The following ADGRG2 variants were observed in gnomAD, a reference collection of about 807,000 sequenced individuals.
ADGRG2 encodes G protein-coupled receptor 64.
ADGRG2 carries 26 observed loss-of-function variants against 74.1 expected under a neutral mutation model. The observed-to-expected ratio is 0.35, with a 90% CI of 0.26 to 0.49. The LOEUF (loss-of-function observed/expected upper bound fraction) is 0.49, where lower values mean the gene tolerates loss of function less well. ADGRG2 is among the 20% of genes least tolerant of loss of function. ADGRG2 has a pLI of 0.99. For synonymous variants in ADGRG2, 296 were observed against 295.2 expected (o/e 1.00, Z -0.03); for missense variants, 619 against 763.1 (o/e 0.81, Z 2.22).
At chrX:19,108,104 C>CAAAAAA (rs143987070) in intron 1 of ADGRG2, among the ~76,000 whole-genome samples, 1 of 44,971 alleles carries the variant, frequency 2.2e-5, no homozygotes, top group African/African-American at 6.8e-5. Context: ...GACTCCGTCT[C>CAAAAAA]AAAAAAAAAA....
intron 1 of ADGRG2, among the ~76,000 whole-genome samples, chrX:19,085,084 T>C (rs747732292): frequency 8.0e-5 from 9 of 111,983 alleles, no homozygotes; most frequent in Non-Finnish European, 1.5e-4. Flanking sequence ...TACAAAAATA[T>C]ACACACAAAT....
intron 1 of ADGRG2, among the ~76,000 whole-genome samples, chrX:19,102,429 G>T (rs1218708723): frequency 2.7e-5 from 3 of 110,243 alleles, no homozygotes; most frequent in Non-Finnish European, 5.7e-5. Flanking sequence ...CTTCTAGGTG[G>T]GGGCCATTCC....
chrX:19,084,526 G>A (rs927412869), intron 1 of ADGRG2, among the ~76,000 whole-genome samples: 2 of 111,782 alleles, frequency 1.8e-5, no homozygotes. Flanking sequence ...GAACAATTGC[G>A]AACACATGTC....
At chrX:19,038,699 A>G (rs1442615646) in intron 4 of ADGRG2, among the ~76,000 whole-genome samples, 1 of 111,713 alleles carries the variant, frequency 9.0e-6, no homozygotes. Context: ...CCATCCCTTG[A>G]TGCTACACTG....
chrX:18,999,917 TGGG>T lies in ADGRG2; in HGVS notation c.2271_2273del (p.Pro758del). ...CATAGGATCCAAGCCCATAGTTATC[TGGG>T]GATATAGTCAGGATGATGGTCACAA... On this transcript the variant is annotated inframe_deletion, in exon 25 of 29. Transcript: ENST00000379869. 2.5e-6 allele frequency: 3 copies of T among 1,197,170 alleles called. No homozygotes were observed. The highest frequency in any genetic ancestry group is 3.4e-6 in the Non-Finnish European group (3 of 882,766).
At chrX:19,011,200 T>C (rs1421439118) in intron 16 of ADGRG2, among the ~76,000 whole-genome samples, 1 of 111,582 alleles carries the variant, frequency 9.0e-6, no homozygotes, top group East Asian at 2.8e-4. Context: ...AAAACCTGTA[T>C]GGAAACAGAT....
chrX:19,038,427 C>A (rs2060987662), intron 4 of ADGRG2, among the ~76,000 whole-genome samples: 1 of 111,976 alleles, frequency 8.9e-6, no homozygotes, highest in Non-Finnish European at 1.9e-5. Flanking sequence ...AACACACACA[C>A]CCTGTCTGTC....
At chrX:19,077,196 A>C (rs140138380) in intron 2 of ADGRG2, among the ~76,000 whole-genome samples, 2,164 of 111,074 alleles carry the variant, frequency 0.019, 49 homozygotes, top group African/African-American at 0.066. Flanking sequence ...GAAAGTAATA[A>C]AGATTTAAAA....
chrX:19,034,306 G>A (rs984013813), intron 7 of ADGRG2: 1 of 111,698 alleles, frequency 9.0e-6, no homozygotes, highest in African/African-American at 3.3e-5. Context: ...TTCCAAACAC[G>A]TTTTGGGGAC....
At chrX:19,075,096 A>G (rs1168130193) in intron 2 of ADGRG2, among the ~76,000 whole-genome samples, 3 of 111,004 alleles carry the variant, frequency 2.7e-5, no homozygotes, top group Admixed American at 1.9e-4. Flanking sequence ...CATTTAAACA[A>G]AATTCAAAGA....
chrX:19,063,007 T>TAA (rs1219094482), intron 3 of ADGRG2, among the ~76,000 whole-genome samples: 1 of 78,310 alleles, frequency 1.3e-5, no homozygotes, highest in Admixed American at 1.5e-4. Context: ...CTTCAAAGAT[T>TAA]TAAAAAAAAA....
chrX:19,030,960 T>C, intron 9 of ADGRG2, 24 bp downstream of exon 9: 1 of 1,033,703 alleles, frequency 9.7e-7, no homozygotes, highest in Non-Finnish European at 1.4e-6. Flanking sequence ...TATCTGGTAA[T>C]GTGTAATGTA....
At chrX:19,048,220 C>T (rs1332835249) in intron 3 of ADGRG2, among the ~76,000 whole-genome samples, 1 of 112,008 alleles carries the variant, frequency 8.9e-6, no homozygotes, top group Non-Finnish European at 1.9e-5. Context: ...TTGGAGCGTC[C>T]ATAAATGCCC....
chrX:19,040,332 T>C (rs1426259738), intron 3 of ADGRG2, 108 bp from the exon 4 acceptor site: 1 of 487,334 alleles, frequency 2.1e-6, no homozygotes, highest in Non-Finnish European at 3.5e-6. Flanking sequence ...CAGCTACTCA[T>C]GTCACTAAAA....
intron 16 of ADGRG2, among the ~76,000 whole-genome samples, chrX:19,013,268 C>T (rs1013504751): frequency 9.0e-6 from 1 of 111,610 alleles, no homozygotes; most frequent in African/African-American, 3.3e-5. Flanking sequence ...GTGTTGAAAA[C>T]AGTGTTCCAA....
intron 3 of ADGRG2, among the ~76,000 whole-genome samples, chrX:19,066,706 C>G (rs987569440): frequency 1.8e-5 from 2 of 110,413 alleles, no homozygotes; most frequent in Non-Finnish European, 3.8e-5. Context: ...TCAAATGATC[C>G]TCCCTCCTCA....
intron 2 of ADGRG2, among the ~76,000 whole-genome samples, chrX:19,070,587 G>A (rs1397900630): frequency 8.9e-6 from 1 of 112,162 alleles, no homozygotes; most frequent in Non-Finnish European, 1.9e-5. Flanking sequence ...GCACAAGCAA[G>A]GGGGTGGCGA....
intron 28 of ADGRG2, 108 bp from the exon 29 acceptor site, chrX:18,991,156 G>T: frequency 2.4e-6 from 1 of 409,429 alleles, no homozygotes; most frequent in Admixed American, 4.5e-5. Context: ...TGTAAAATAT[G>T]TTTTTAAAAA....
chrX:19,094,902 G>A (rs1047181553), intron 1 of ADGRG2, among the ~76,000 whole-genome samples: 8 of 112,254 alleles, frequency 7.1e-5, no homozygotes, highest in Admixed American at 5.6e-4. Context: ...GAGCGGGGCC[G>A]TCCACTTTCT....
Sources: gnomAD v4.1 joint callset for allele counts (sites outside exome capture counted in the v4.1 genomes callset) on GRCh38, gnomAD v4.1.1 for gene constraint, MANE v1.5 for transcripts, NCBI Gene and HGNC (gene_info 2026-07-23, HGNC 2026-07-21) for gene names.